BTN2A1: variants seen among roughly 807,000 people sequenced by gnomAD.
BTN2A1 encodes the protein butyrophilin, subfamily 2, member A1.
In BTN2A1, 41 loss-of-function variants were observed where a neutral mutation model predicts 34.5. The observed-to-expected ratio is 1.19, with a 90% CI of 0.93 to 1.54. BTN2A1 has a LOEUF of 1.54. BTN2A1 is among the 40% of genes most tolerant of loss of function. BTN2A1 has a pLI of 0.00. For synonymous variants in BTN2A1, 267 were observed against 258.6 expected, an observed-to-expected ratio of 1.03 and a Z score of -0.31; for missense variants, 642 against 662.0, an observed-to-expected ratio of 0.97 and a Z score of 0.33.
chr6:26,462,115 T>C (rs558268777), intron 3 of BTN2A1, among the ~76,000 whole-genome samples: 17 of 152,336 alleles, frequency 1.1e-4, no homozygotes, highest in Non-Finnish European at 2.2e-4. Flanking sequence ...TGGGAGACTT[T>C]ACAAAGGAAT....
rs143104579 is a variant in BTN2A1 at position 26,459,769 on chromosome 6, G to A, written c.371G>A (p.Arg124His). 0.017 allele frequency: 27,444 copies of A among 1,614,110 alleles called. 301 individuals are homozygous for A. The highest frequency in any genetic ancestry group is 0.02 in the Non-Finnish European group (23,057 of 1,179,994). ...ACAGCCCAGGAAAACGGCACCTACC[G>A]CTGTTACTTCCAAGAAGGCAGGTCC... ...NITAQENGTY[R>H]CYFQEGRSYD... Residue 124 changes from arginine (R) to histidine (H), a missense_variant, in exon 3 of 8, where the codon CGC becomes CAC. By Grantham distance (29) the Arg-to-His change is conservative (BLOSUM62 0). Transcript: ENST00000312541.
chr6:26,468,515 C>A lies in BTN2A1; in HGVS notation c.1550C>A (p.Thr517Lys), dbSNP rs777459956. The change falls in exon 8 of 8, where the codon ACA becomes AAA. Residue 517 changes from threonine (T) to lysine (K), a missense_variant. Transcript: ENST00000312541. ...GTCACGGTGCCTGAAGAGGGCCTGA[C>A]ACTTCACAGAGTGGGGACCCACCAG... ...NGVTVPEEGL[T>K]LHRVGTHQSL 19 of 1,614,050 alleles carry A rather than the reference C, an allele frequency of 1.2e-5. No individual in the cohort carries two copies. Among genetic ancestry groups the A allele is most frequent in the Admixed American group, 5.0e-5 (3 of 60,002 alleles).
At chr6:26,459,939 T>TTTCCACAGGGAGA in intron 3 of BTN2A1, 111 bp downstream of exon 3, 1 of 230,224 alleles carries the variant, frequency 4.3e-6, no homozygotes, top group Non-Finnish European at 7.6e-6. Flanking sequence ...TGGACTCCCT[T>TTTCCACAGGGAGA]TTCCACTCTC....
rs770952034 is a variant in BTN2A1 at position 26,463,492 on chromosome 6, G to T, written c.679G>T (p.Gly227Cys). The change falls in exon 4 of 8, where the codon GGC becomes TGC. Residue 227 changes from glycine to cysteine, a missense_variant. Physicochemically the swap from Gly to Cys is radical, Grantham distance 159 (BLOSUM62 -3). Coordinates refer to ENST00000312541, the MANE Select transcript of BTN2A1 (RefSeq NM_007049.5). ...CTGCTCTATCAACAACACCCTGCTCGGCCAGAAGAAAGAAAGTGTCATTTT... is the reference window on the plus strand; with the variant it reads ...CTGCTCTATCAACAACACCCTGCTCTGCCAGAAGAAAGAAAGTGTCATTTT... ...MSCSINNTLL[G>C]QKKESVIFIP... The T allele has an allele frequency of 3.3e-5, 54 of 1,613,862 alleles. No homozygotes were observed. The South Asian group carries it at 5.8e-4, about 17-fold the overall frequency.
downstream of BTN2A1, among the ~76,000 whole-genome samples, chr6:26,470,272 G>C (rs544149832): frequency 1.3e-5 from 2 of 152,218 alleles, no homozygotes; most frequent in East Asian, 3.9e-4. Context: ...TTGAACCCCA[G>C]TGGGGTGGAG....
intron 7 of BTN2A1, among the ~76,000 whole-genome samples, chr6:26,467,360 G>A (rs1460014395): frequency 1.3e-5 from 2 of 152,200 alleles, no homozygotes; most frequent in Non-Finnish European, 2.9e-5. Context: ...CACCCAGGCT[G>A]GAGTGCCATG....
At chr6:26,470,216 G>A (rs980706886), downstream of BTN2A1, among the ~76,000 whole-genome samples, 4 of 152,090 alleles carry the variant, frequency 2.6e-5, no homozygotes, top group African/African-American at 9.7e-5. Flanking sequence ...GCATGGTGGC[G>A]GGCACCTATA....
At position 26,463,297 on chromosome 6, in the gene BTN2A1, C is replaced by G; in HGVS notation, c.484C>G (p.Arg162Gly). Residue 162 changes from arginine (R) to glycine (G), a missense_variant, in exon 4 of 8, where the codon CGG becomes GGG. Arg to Gly is a moderately radical substitution (Grantham distance 125). Transcript: ENST00000312541. ...GAGGGGCCATGAAGACGGGGGCATC[C>G]GGCTGGAGTGCATATCTAGAGGGTG... Reference protein sequence around the residue: ...SMRGHEDGGIRLECISRGWYP... With the variant: ...SMRGHEDGGIGLECISRGWYP... 6.2e-7 allele frequency: 1 copy of G among 1,613,714 alleles called. No individual in the cohort carries two copies. Among genetic ancestry groups the G allele is most frequent in the South Asian group, 1.1e-5 (1 of 91,062 alleles).
Position 26,459,601 on chromosome 6 carries a change from G to T in BTN2A1, c.203G>T (p.Arg68Leu). 6.2e-7 allele frequency: 1 copy of T among 1,613,946 alleles called. No individual in the cohort carries two copies. The stretch of plus-strand genomic sequence containing the variant: ...GAGGACATGGAGGTGCGGTGGTTCC[G>T]GTCTCAGTTCTCCCCCGCAGTGTTT... ...NAEDMEVRWF[R>L]SQFSPAVFVY... The change falls in exon 3 of 8, where the codon CGG (arginine) becomes CTG (leucine). Residue 68 changes from arginine to leucine, a missense_variant. Physicochemically the swap from Arg to Leu is moderately radical, Grantham distance 102 (BLOSUM62 -2). Transcript: ENST00000312541.
In BTN2A1 at chr6:26,468,813, G is replaced by C. The variant is rs1763397749; in HGVS notation, c.*264G>C. The C allele has an allele frequency of 6.4e-7, 1 of 1,568,098 alleles. No individual in the cohort carries two copies. Among genetic ancestry groups the C allele is most frequent in the Non-Finnish European group, 8.7e-7 (1 of 1,153,430 alleles). ...TAGTTGTTACACAGCTCCCAGCCAA[G>C]AAGAAAGTGTGAGAAGTTGATGGGC... is the stretch of plus-strand genomic sequence containing the variant. On this transcript the variant is annotated 3_prime_UTR_variant, in exon 8 of 8. Coordinates refer to ENST00000312541, the MANE Select transcript of BTN2A1 (RefSeq NM_007049.5).
intron 5 of BTN2A1, chr6:26,465,682 C>CA (rs1159105630): frequency 2.2e-6 from 1 of 453,322 alleles, no homozygotes; most frequent in Admixed American, 6.4e-5. Context: ...ATGAATCTCT[C>CA]AGAGCTTTCA....
At chr6:26,476,056 A>T (rs1763532544) in intron 7 of BTN2A1, 6 of 1,326,284 alleles carry the variant, frequency 4.5e-6, no homozygotes, top group Non-Finnish European at 6.3e-6. Flanking sequence ...AGTGATTTCA[A>T]ACTGTGCTCA....
At chr6:26,460,615 A>C (rs1005586637) in intron 3 of BTN2A1, among the ~76,000 whole-genome samples, 3 of 152,188 alleles carry the variant, frequency 2.0e-5, no homozygotes, top group African/African-American at 7.2e-5. Flanking sequence ...ATGCTTTAAA[A>C]GATATATTTG....
chr6:26,459,507 G>T lies in BTN2A1; in HGVS notation c.109G>T (p.Asp37Tyr), dbSNP rs1485342699. 6.2e-7 allele frequency: 1 copy of T among 1,613,808 alleles called. No homozygotes were observed. Among genetic ancestry groups the T allele is most frequent in the Non-Finnish European group, 8.5e-7 (1 of 1,179,856 alleles). ...SAQFIVVGPTDPILATVGENT... is the reference protein window; with the variant it reads ...SAQFIVVGPTYPILATVGENT... ...CCAGTTTATTGTCGTGGGGCCCACT[G>T]ATCCCATCTTGGCCACGGTTGGAGA... Residue 37 changes from aspartate (D) to tyrosine (Y), a missense_variant, in exon 3 of 8, where the codon GAT becomes TAT. Transcript: ENST00000312541.
chr6:26,466,902 G>A (rs532731566), intron 7 of BTN2A1, among the ~76,000 whole-genome samples: 53 of 152,284 alleles, frequency 3.5e-4, no homozygotes, highest in Middle Eastern at 3.4e-3. Context: ...GATGGGAGAG[G>A]TCTGCAGAAT....
chr6:26,472,439 A>G (rs1763467915), downstream of BTN2A1, among the ~76,000 whole-genome samples: 1 of 152,188 alleles, frequency 6.6e-6, no homozygotes, highest in African/African-American at 2.4e-5. Context: ...CCTAAATTCA[A>G]ACTGTTGTAG....
chr6:26,470,225 T>G (rs185313790), downstream of BTN2A1, among the ~76,000 whole-genome samples: 5 of 152,256 alleles, frequency 3.3e-5, no homozygotes, highest in Admixed American at 1.3e-4. Context: ...CGGGCACCTA[T>G]AATCCCAGCT....
chr6:26,467,624 T>C, intron 7 of BTN2A1: 1 of 1,346,840 alleles, frequency 7.4e-7, no homozygotes, highest in Admixed American at 2.5e-5. Flanking sequence ...AGATCATATG[T>C]CTTGGATAGA....
intron 4 of BTN2A1, among the ~76,000 whole-genome samples, chr6:26,464,419 A>T (rs540893875): frequency 1.3e-5 from 2 of 152,352 alleles, no homozygotes; most frequent in East Asian, 3.9e-4. Flanking sequence ...CATCTATAGG[A>T]AACATTAAGC....
Sources: gnomAD v4.1 joint callset for allele counts (sites outside exome capture counted in the v4.1 genomes callset) on GRCh38, gnomAD v4.1.1 for gene constraint, MANE v1.5 for transcripts, NCBI Gene and HGNC (gene_info 2026-07-23, HGNC 2026-07-21) for gene names.